The following AFF3 variants were observed in gnomAD, a reference collection of about 807,000 sequenced individuals.
The protein encoded by AFF3 is AF4/FMR2 family member 3.
Under a neutral mutation model 129.7 loss-of-function variants are expected in AFF3, and 32 were observed. The observed-to-expected ratio is 0.25, with a 90% CI of 0.19 to 0.33. AFF3 has a LOEUF of 0.33. Ranked by LOEUF, AFF3 falls within the 10% of genes least tolerant of loss-of-function variation. The pLI is 1.00. For synonymous variants in AFF3, 644 were observed against 635.4 expected (o/e 1.01, Z -0.20); for missense variants, 1,373 against 1,592.0 (o/e 0.86, Z 2.34).
chr2:99,783,911 T>C (rs1273407668), intron 8 of AFF3, among the ~76,000 whole-genome samples: 1 of 152,282 alleles, frequency 6.6e-6, no homozygotes, highest in Non-Finnish European at 1.5e-5. Flanking sequence ...ACCTACTATG[T>C]GCTAAACATA....
chr2:99,689,615 G>C (rs1675399623), intron 11 of AFF3, among the ~76,000 whole-genome samples: 1 of 120,116 alleles, frequency 8.3e-6, no homozygotes, highest in African/African-American at 3.3e-5. Context: ...ACTCCTTTCT[G>C]TATCTCCAGT....
chr2:99,714,536 CT>C (rs1257850906), intron 11 of AFF3, among the ~76,000 whole-genome samples: 2 of 151,964 alleles, frequency 1.3e-5, no homozygotes, highest in African/African-American at 4.8e-5. Context: ...AAAAGGAGGT[CT>C]CTGTGGACGG....
At chr2:99,596,100 T>A (rs997778923) in intron 14 of AFF3, among the ~76,000 whole-genome samples, 1 of 152,152 alleles carries the variant, frequency 6.6e-6, no homozygotes, top group Non-Finnish European at 1.5e-5. Context: ...TGACGTGACA[T>A]TTTTCTTTGC....
chr2:99,947,668 A>G (rs1447922166), intron 7 of AFF3, among the ~76,000 whole-genome samples: 1 of 152,108 alleles, frequency 6.6e-6, no homozygotes, highest in Non-Finnish European at 1.5e-5. Context: ...AGACAGACAG[A>G]CAGATAGATC....
intron 7 of AFF3, among the ~76,000 whole-genome samples, chr2:99,942,335 G>A (rs983892023): frequency 6.6e-6 from 1 of 152,156 alleles, no homozygotes; most frequent in African/African-American, 2.4e-5. Context: ...ACGTTCACAA[G>A]TCTATATTCT....
intron 7 of AFF3, among the ~76,000 whole-genome samples, chr2:99,850,012 G>C (rs1363672027): frequency 6.6e-6 from 1 of 152,228 alleles, no homozygotes; most frequent in Admixed American, 6.5e-5. Flanking sequence ...GTAATGAGAT[G>C]AGGCAGTAAA....
chr2:100,018,808 G>C (rs1683353289), intron 4 of AFF3, among the ~76,000 whole-genome samples: 1 of 151,918 alleles, frequency 6.6e-6, no homozygotes, highest in Non-Finnish European at 1.5e-5. Context: ...TCCCTTCCCG[G>C]CAGCAGCACA....
intron 8 of AFF3, among the ~76,000 whole-genome samples, chr2:99,781,349 TGC>T (rs1684391542): frequency 6.6e-6 from 1 of 152,346 alleles, no homozygotes; most frequent in East Asian, 1.9e-4. Flanking sequence ...CACTTATCAC[TGC>T]CTACCATTTA....
chr2:99,623,501 C>A (rs1682248413), intron 13 of AFF3, among the ~76,000 whole-genome samples: 1 of 152,180 alleles, frequency 6.6e-6, no homozygotes, highest in African/African-American at 2.4e-5. Flanking sequence ...CCCACCTCTG[C>A]CAGCCCAGGA....
chr2:100,008,996 A>T (rs1682253425), intron 4 of AFF3, 64 bp from the exon 5 acceptor site: 1 of 1,581,444 alleles, frequency 6.3e-7, no homozygotes, highest in South Asian at 1.2e-5. Flanking sequence ...GCCCAATGTA[A>T]CACTTGTGTG....
chr2:100,101,024 A>G (rs553978639), intron 4 of AFF3, among the ~76,000 whole-genome samples: 2 of 152,312 alleles, frequency 1.3e-5, no homozygotes, highest in African/African-American at 4.8e-5. Context: ...GCTTCAAACC[A>G]GAAATTGGAA....
At chr2:99,807,787 T>C (rs1686468242) in intron 8 of AFF3, among the ~76,000 whole-genome samples, 1 of 152,064 alleles carries the variant, frequency 6.6e-6, no homozygotes, top group South Asian at 2.1e-4. Context: ...CCTGTGGAAT[T>C]AGTCAAACAA....
chr2:100,062,660 C>T (rs1242810243), intron 4 of AFF3, among the ~76,000 whole-genome samples: 3 of 152,294 alleles, frequency 2.0e-5, no homozygotes, highest in Non-Finnish European at 4.4e-5. Context: ...CGCAGGACAG[C>T]AGCACCCTAT....
At chr2:100,128,614 T>C (rs544505782) in intron 2 of AFF3, among the ~76,000 whole-genome samples, 9 of 152,288 alleles carry the variant, frequency 5.9e-5, no homozygotes, top group African/African-American at 1.9e-4. Flanking sequence ...ATGCGGAGAA[T>C]TGCGACCTGC....
chr2:99,958,246 A>C (rs1676850698), intron 7 of AFF3, among the ~76,000 whole-genome samples: 1 of 152,118 alleles, frequency 6.6e-6, no homozygotes, highest in Non-Finnish European at 1.5e-5. Flanking sequence ...TAATTCCAGC[A>C]CTTTGGGAAG....
At chr2:100,024,937 ATTC>A (rs918584485) in intron 4 of AFF3, among the ~76,000 whole-genome samples, 1 of 152,148 alleles carries the variant, frequency 6.6e-6, no homozygotes, top group Non-Finnish European at 1.5e-5. Flanking sequence ...AAGAATTTAT[ATTC>A]TTCTGCTTTA....
intron 4 of AFF3, among the ~76,000 whole-genome samples, chr2:100,056,050 C>T (rs575711642): frequency 2.3e-4 from 31 of 133,422 alleles, no homozygotes; most frequent in South Asian, 1.3e-3. Flanking sequence ...AAAAAAAAAT[C>T]GCTGTCTCTC....
At chr2:99,564,872 G>A (rs1209832310) in intron 20 of AFF3, among the ~76,000 whole-genome samples, 1 of 152,186 alleles carries the variant, frequency 6.6e-6, no homozygotes, top group Admixed American at 6.5e-5. Flanking sequence ...GTTCTCAGTA[G>A]GGCTAATGGA....
intron 2 of AFF3, among the ~76,000 whole-genome samples, chr2:100,121,800 C>A (rs1457015975): frequency 6.6e-6 from 1 of 152,144 alleles, no homozygotes; most frequent in African/African-American, 2.4e-5. Context: ...CGGTGGCTCA[C>A]GCCTGTAATC....
Sources: allele counts gnomAD v4.1 joint callset (sites outside exome capture counted in the v4.1 genomes callset), GRCh38; gene constraint gnomAD v4.1.1; transcripts MANE v1.5; gene names NCBI Gene and HGNC (gene_info 2026-07-23, HGNC 2026-07-21).